The following ZFPM2 variants were observed in gnomAD, a reference collection of about 807,000 sequenced individuals.
The protein encoded by ZFPM2 is zinc finger protein, FOG family member 2, also known as zinc finger protein ZFPM2.
Under a neutral mutation model 98.6 loss-of-function variants are expected in ZFPM2, and 20 were observed. The ratio of observed to expected loss-of-function variants is 0.20; its 90% CI spans 0.14 to 0.29. ZFPM2 has a LOEUF of 0.29. Ranked by LOEUF, ZFPM2 falls within the 10% of genes least tolerant of loss-of-function variation. The pLI, the probability that ZFPM2 is intolerant of heterozygous loss-of-function variation, is 1.00. For missense variants in ZFPM2, 1,310 were observed against 1,388.6 expected, an observed-to-expected ratio of 0.94 and a Z score of 0.90; for synonymous variants, 518 against 502.7, an observed-to-expected ratio of 1.03 and a Z score of -0.41.
intron 1 of ZFPM2, among the ~76,000 whole-genome samples, chr8:105,390,318 A>G (rs1017930567): frequency 6.6e-6 from 1 of 152,212 alleles, no homozygotes. Flanking sequence ...GGGTATACTT[A>G]TGACAGTACT....
chr8:105,667,659 A>G (rs1462693233), intron 5 of ZFPM2, among the ~76,000 whole-genome samples: 1 of 152,190 alleles, frequency 6.6e-6, no homozygotes, highest in African/African-American at 2.4e-5. Flanking sequence ...AGTTCAATCA[A>G]AACAACATAG....
chr8:105,613,594 G>A lies in ZFPM2; in HGVS notation c.421-20652G>A, dbSNP rs535737424. Among the ~76,000 whole-genome samples the A allele has an allele frequency of 2.4e-4, 36 of 152,182 alleles. No individual in the cohort carries two copies. The South Asian group carries it at 4.6e-3, about 19-fold the overall frequency. On this transcript the variant is annotated intron_variant, in intron 4 of 7. Transcript: ENST00000407775. ...TGGTAGTTTTTGGTATCTTTTTAGC[G>A]TCATTGAAGAATAATTGCTCTGAAA...
chr8:105,733,743 T>A (rs1036498347), intron 5 of ZFPM2, among the ~76,000 whole-genome samples: 1 of 151,880 alleles, frequency 6.6e-6, no homozygotes, highest in African/African-American at 2.4e-5. Flanking sequence ...GAACAACTGT[T>A]TTGTACAAAA....
intron 4 of ZFPM2, among the ~76,000 whole-genome samples, chr8:105,562,752 C>A (rs1293082417): frequency 6.6e-6 from 1 of 152,162 alleles, no homozygotes; most frequent in Non-Finnish European, 1.5e-5. Flanking sequence ...TACACTGTGT[C>A]TGCCTGGGTC....
intron 3 of ZFPM2, among the ~76,000 whole-genome samples, chr8:105,457,319 A>AC (rs1278137662): frequency 2.0e-5 from 3 of 152,338 alleles, no homozygotes; most frequent in African/African-American, 4.8e-5. Context: ...AATGTAACTT[A>AC]CATATGCTTT....
At chr8:105,525,758 C>T (rs76868435) in intron 3 of ZFPM2, among the ~76,000 whole-genome samples, 13,010 of 152,158 alleles carry the variant, frequency 0.086, 741 homozygotes, top group African/African-American at 0.17. Context: ...TCCCAGTTAT[C>T]TAAAGGACAA....
chr8:105,365,170 C>G (rs1011326143), intron 1 of ZFPM2, among the ~76,000 whole-genome samples: 1 of 152,120 alleles, frequency 6.6e-6, no homozygotes, highest in Admixed American at 6.6e-5. Context: ...GATCACATAA[C>G]TCACAGGAAG....
chr8:105,601,898 G>A (rs1470256186), intron 4 of ZFPM2, among the ~76,000 whole-genome samples: 3 of 152,074 alleles, frequency 2.0e-5, no homozygotes, highest in Non-Finnish European at 2.9e-5. Context: ...AGTATTTTAT[G>A]GATACCAAGG....
intron 3 of ZFPM2, among the ~76,000 whole-genome samples, chr8:105,557,446 C>A (rs1232515531): frequency 1.3e-5 from 2 of 152,110 alleles, no homozygotes; most frequent in Non-Finnish European, 2.9e-5. Flanking sequence ...TTAATTCTTG[C>A]TTTTCTGTGT....
At chr8:105,721,784 A>G (rs1466493182) in intron 5 of ZFPM2, among the ~76,000 whole-genome samples, 1 of 152,006 alleles carries the variant, frequency 6.6e-6, no homozygotes, top group Non-Finnish European at 1.5e-5. Context: ...CAGAAAGAAT[A>G]TACGAGAACA....
At chr8:105,562,914 A>G (rs1380300998) in intron 4 of ZFPM2, among the ~76,000 whole-genome samples, 1 of 152,230 alleles carries the variant, frequency 6.6e-6, no homozygotes, top group Non-Finnish European at 1.5e-5. Flanking sequence ...TGCCTACCAC[A>G]TGGGATAAAA....
intron 1 of ZFPM2, among the ~76,000 whole-genome samples, chr8:105,330,581 CATATATATATATACAT>C (rs1812202469): frequency 1.2e-5 from 1 of 86,334 alleles, no homozygotes; most frequent in Non-Finnish European, 2.3e-5. Context: ...TATATATATA[CATATATATATATACAT>C]ATATATATAT....
intron 1 of ZFPM2, among the ~76,000 whole-genome samples, chr8:105,372,918 CTT>C (rs1342152834): frequency 1.3e-5 from 2 of 152,046 alleles, no homozygotes. Flanking sequence ...GAAAAAAAGA[CTT>C]CAGAAAATAT....
chr8:105,421,266 A>C (rs1307713215), intron 2 of ZFPM2, among the ~76,000 whole-genome samples: 1 of 152,118 alleles, frequency 6.6e-6, no homozygotes, highest in Non-Finnish European at 1.5e-5. Context: ...ACAGTTGGAA[A>C]AATGTTTAAT....
chr8:105,366,489 CT>C (rs199626873), intron 1 of ZFPM2, among the ~76,000 whole-genome samples: 5 of 46,266 alleles, frequency 1.1e-4, no homozygotes, highest in Non-Finnish European at 1.8e-4. Context: ...AAGGAGAATT[CT>C]TTTTTTTAAT....
At chr8:105,759,611 T>TATGC (rs1491091001) in intron 5 of ZFPM2, among the ~76,000 whole-genome samples, 1 of 151,216 alleles carries the variant, frequency 6.6e-6, no homozygotes, top group African/African-American at 2.4e-5. Flanking sequence ...TGTGTGTGTG[T>TATGC]ATGCACATGT....
chr8:105,609,159 G>A (rs570240385), intron 4 of ZFPM2, among the ~76,000 whole-genome samples: 7 of 152,066 alleles, frequency 4.6e-5, no homozygotes, highest in African/African-American at 1.2e-4. Flanking sequence ...GGAGGGGAGC[G>A]AGGTTAATTG....
At chr8:105,637,064 A>T (rs1816860587) in intron 5 of ZFPM2, among the ~76,000 whole-genome samples, 1 of 152,156 alleles carries the variant, frequency 6.6e-6, no homozygotes, top group Admixed American at 6.6e-5. Flanking sequence ...TACATACTAG[A>T]ATATGTTCTG....
chr8:105,596,536 G>A (rs1393458383), intron 4 of ZFPM2, among the ~76,000 whole-genome samples: 1 of 151,918 alleles, frequency 6.6e-6, no homozygotes, highest in Non-Finnish European at 1.5e-5. Context: ...GAAAACCTTT[G>A]CAAGTTTAGC....
Sources: gnomAD v4.1 joint callset for allele counts (sites outside exome capture counted in the v4.1 genomes callset) on GRCh38, gnomAD v4.1.1 for gene constraint, MANE v1.5 for transcripts, NCBI Gene and HGNC (gene_info 2026-07-23, HGNC 2026-07-21) for gene names.